The following RAB3C variants were observed in gnomAD, a reference collection of about 807,000 sequenced individuals.
RAB3C encodes the protein RAB3C, member RAS oncogene family.
In RAB3C, 17 loss-of-function variants were observed where a neutral mutation model predicts 26.4. The ratio of observed to expected loss-of-function variants is 0.64; its 90% confidence interval spans 0.44 to 0.97. The LOEUF (loss-of-function observed/expected upper bound fraction) is 0.97, where lower values mean the gene tolerates loss of function less well. Among genes scored for constraint, RAB3C ranks in the 50% least tolerant of loss-of-function variants. The pLI is 0.00. For missense variants in RAB3C, 242 were observed against 281.9 expected (o/e 0.86, Z 1.01); for synonymous variants, 91 against 95.9 (o/e 0.95, Z 0.30).
At chr5:58,693,982 T>C (rs1407679713) in intron 2 of RAB3C, among the ~76,000 whole-genome samples, 1 of 152,168 alleles carries the variant, frequency 6.6e-6, no homozygotes, top group Non-Finnish European at 1.5e-5. Context: ...GTGCACAACA[T>C]GCAGGTTTGA....
chr5:58,659,487 A>G (rs1236224998), intron 2 of RAB3C, among the ~76,000 whole-genome samples: 1 of 152,218 alleles, frequency 6.6e-6, no homozygotes, highest in Non-Finnish European at 1.5e-5. Context: ...TTATTTTTAT[A>G]TCACTCATTT....
At chr5:58,740,802 A>G (rs1369063688) in intron 3 of RAB3C, among the ~76,000 whole-genome samples, 1 of 152,196 alleles carries the variant, frequency 6.6e-6, no homozygotes, top group Non-Finnish European at 1.5e-5. Context: ...CCTGGGCAAC[A>G]GAGTGAGACT....
chr5:58,847,589 A>G (rs1744031133), intron 4 of RAB3C, among the ~76,000 whole-genome samples: 1 of 152,212 alleles, frequency 6.6e-6, no homozygotes, highest in Admixed American at 6.5e-5. Context: ...AACTTAGGCC[A>G]TGAGCTTTAA....
intron 2 of RAB3C, among the ~76,000 whole-genome samples, chr5:58,626,426 G>C (rs1747053661): frequency 6.6e-6 from 1 of 152,098 alleles, no homozygotes; most frequent in Non-Finnish European, 1.5e-5. Flanking sequence ...GAACACATTG[G>C]TGTTACTTTT....
intron 3 of RAB3C, among the ~76,000 whole-genome samples, chr5:58,770,644 T>A (rs1742012217): frequency 6.6e-6 from 1 of 152,182 alleles, no homozygotes. Flanking sequence ...TTGTTATACT[T>A]TGCCTTCTTT....
chr5:58,588,617 T>C (rs2111652424), intron 1 of RAB3C, among the ~76,000 whole-genome samples: 1 of 152,228 alleles, frequency 6.6e-6, no homozygotes, highest in East Asian at 1.9e-4. Context: ...GTCAGGTAGA[T>C]ATATAAATAA....
At chr5:58,793,417 C>T (rs1464290907) in intron 3 of RAB3C, among the ~76,000 whole-genome samples, 5 of 151,620 alleles carry the variant, frequency 3.3e-5, no homozygotes, top group Non-Finnish European at 5.9e-5. Flanking sequence ...ATTAGCTGGG[C>T]GTGGTGGCAC....
intron 3 of RAB3C, among the ~76,000 whole-genome samples, chr5:58,782,298 G>A (rs1742288473): frequency 6.6e-6 from 1 of 152,112 alleles, no homozygotes; most frequent in African/African-American, 2.4e-5. Flanking sequence ...ACATGCTTGT[G>A]TGTTACATGA....
intron 2 of RAB3C, among the ~76,000 whole-genome samples, chr5:58,716,730 A>C (rs557157942): frequency 6.6e-6 from 1 of 151,304 alleles, no homozygotes. Context: ...TGCTCTGCCC[A>C]GTCACCTGTA....
intron 2 of RAB3C, among the ~76,000 whole-genome samples, chr5:58,647,339 C>A (rs1379276721): frequency 3.3e-5 from 5 of 152,142 alleles, no homozygotes; most frequent in Non-Finnish European, 4.4e-5. Flanking sequence ...CAAGTTTAGA[C>A]CTTCTCACAT....
intron 2 of RAB3C, among the ~76,000 whole-genome samples, chr5:58,710,339 C>T (rs970771148): frequency 2.0e-5 from 3 of 152,072 alleles, no homozygotes; most frequent in Admixed American, 2.0e-4. Context: ...TGGCTCACAC[C>T]TATAATCCCA....
intron 3 of RAB3C, among the ~76,000 whole-genome samples, chr5:58,731,404 C>T (rs1163775098): frequency 6.6e-6 from 1 of 151,988 alleles, no homozygotes; most frequent in Non-Finnish European, 1.5e-5. Context: ...AGAAACTCAA[C>T]ATAAAAAAAT....
chr5:58,792,785 A>G (rs1036100153), intron 3 of RAB3C, among the ~76,000 whole-genome samples: 3 of 152,002 alleles, frequency 2.0e-5, no homozygotes, highest in Admixed American at 6.5e-5. Context: ...GTGTGTGTGT[A>G]TGTGTATATA....
intron 2 of RAB3C, among the ~76,000 whole-genome samples, chr5:58,652,400 C>CTT (rs1467860479): frequency 6.6e-6 from 1 of 151,652 alleles, no homozygotes; most frequent in Non-Finnish European, 1.5e-5. Flanking sequence ...GGAGGAGAAA[C>CTT]TTATCTTTTT....
intron 3 of RAB3C, among the ~76,000 whole-genome samples, chr5:58,807,239 C>T (rs948677759): frequency 6.6e-6 from 1 of 152,178 alleles, no homozygotes; most frequent in Non-Finnish European, 1.5e-5. Context: ...CCTGGATGGT[C>T]TCTGCAGATG....
intron 2 of RAB3C, among the ~76,000 whole-genome samples, chr5:58,693,415 TA>T (rs1748621982): frequency 6.7e-6 from 1 of 148,686 alleles, no homozygotes; most frequent in African/African-American, 2.5e-5. Flanking sequence ...AATTATAATA[TA>T]ACCTGGGAAT....
chr5:58,608,088 A>C (rs1276203246), intron 1 of RAB3C, among the ~76,000 whole-genome samples: 1 of 152,176 alleles, frequency 6.6e-6, no homozygotes, highest in African/African-American at 2.4e-5. Flanking sequence ...AACAATATTA[A>C]CCTTAAATGT....
At chr5:58,813,161 A>G (rs1743125449) in intron 3 of RAB3C, among the ~76,000 whole-genome samples, 1 of 152,196 alleles carries the variant, frequency 6.6e-6, no homozygotes, top group Admixed American at 6.5e-5. Context: ...AGGTTGTTGT[A>G]AGAATTAAAT....
At chr5:58,688,443 C>A (rs1245800629) in intron 2 of RAB3C, among the ~76,000 whole-genome samples, 3 of 152,130 alleles carry the variant, frequency 2.0e-5, no homozygotes, top group Admixed American at 6.6e-5. Flanking sequence ...TCCATCAGAT[C>A]TGTAGACAAT....
Sources: allele counts gnomAD v4.1 joint callset (sites outside exome capture counted in the v4.1 genomes callset), GRCh38; gene constraint gnomAD v4.1.1; transcripts MANE v1.5; gene names NCBI Gene and HGNC (gene_info 2026-07-23, HGNC 2026-07-21).